Variants in C12orf42 observed in about 807,000 individuals in gnomAD.
C12orf42 encodes uncharacterized protein C12orf42.
C12orf42 carries 25 observed loss-of-function variants against 21.6 expected under a neutral mutation model. The observed-to-expected ratio is 1.16, with a 90% CI of 0.84 to 1.62. The LOEUF is 1.62. Among genes scored for constraint, C12orf42 ranks in the 40% most tolerant of loss-of-function variants. C12orf42 has a pLI of 0.00. For missense variants in C12orf42, 483 were observed against 459.3 expected (o/e 1.05, Z -0.47); for synonymous variants, 174 against 175.0 (o/e 0.99, Z 0.05).
intron 3 of C12orf42, among the ~76,000 whole-genome samples, chr12:103,373,945 T>A (rs940196859): frequency 6.6e-6 from 1 of 152,224 alleles, no homozygotes; most frequent in South Asian, 2.1e-4. Flanking sequence ...TGATATGGTA[T>A]CATCATGCCC....
At chr12:103,362,738 A>G (rs2044227361) in intron 4 of C12orf42, among the ~76,000 whole-genome samples, 1 of 152,116 alleles carries the variant, frequency 6.6e-6, no homozygotes, top group East Asian at 1.9e-4. Context: ...AAAACAGCAG[A>G]AGCAAGAACT....
intron 2 of C12orf42, among the ~76,000 whole-genome samples, chr12:103,412,631 C>T (rs1283386142): frequency 6.6e-6 from 1 of 152,140 alleles, no homozygotes; most frequent in Non-Finnish European, 1.5e-5. Flanking sequence ...TTACTGCAAA[C>T]CTAAATTGCA....
Position 103,485,095 on chromosome 12 carries a change from T to C in C12orf42, c.-21-6648A>G, listed in dbSNP as rs552684890. ...CATGTTAGCCAGGATGGTCTCAATC[T>C]CCTGATCTCGTGATCTGCCCGCCTC... On this transcript the variant is annotated intron_variant, in intron 1 of 5. Transcript: ENST00000548883. Among the ~76,000 whole-genome samples, 78 of 152,200 alleles carry C rather than the reference T, an allele frequency of 5.1e-4. No homozygotes were observed. In the East Asian group the frequency reaches 0.014, roughly 28 times the overall value.
At chr12:103,532,261 C>T in the C12orf42 span, among the ~76,000 whole-genome samples, 1 of 152,148 alleles carries the variant, frequency 6.6e-6, no homozygotes, top group Non-Finnish European at 1.5e-5. Flanking sequence ...GGATACCGTG[C>T]AGCCGTGAAA....
Position 103,310,139 on chromosome 12 carries a change from G to A in C12orf42, c.260-3794C>T, listed in dbSNP as rs142976971. Among the ~76,000 whole-genome samples, 9 of 152,312 alleles carry A rather than the reference G, an allele frequency of 5.9e-5. No individual in the cohort carries two copies. The East Asian group carries it at 1.7e-3, about 29-fold the overall frequency. ...GGGAGGTGATTGGATAATGGGGACA[G>A]ATTTCTTACGAATGGTTTAGCACTA... is the stretch of plus-strand genomic sequence containing the variant. On this transcript the variant is annotated intron_variant, in intron 4 of 5. Coordinates refer to ENST00000548883, the MANE Select transcript of C12orf42 (RefSeq NM_198521.5).
intron 2 of C12orf42, among the ~76,000 whole-genome samples, chr12:103,435,186 G>A (rs1189064455): frequency 6.6e-6 from 1 of 152,002 alleles, no homozygotes; most frequent in Admixed American, 6.6e-5. Context: ...CTGCAGCTGA[G>A]GGTCCTGTCT....
the C12orf42 span, among the ~76,000 whole-genome samples, chr12:103,119,594 G>C: frequency 1.3e-5 from 2 of 152,118 alleles, no homozygotes; most frequent in Non-Finnish European, 2.9e-5. Context: ...TCATTGTGCC[G>C]CGTCTGTCTT....
intron 2 of C12orf42, among the ~76,000 whole-genome samples, chr12:103,414,120 C>T (rs141010271): frequency 5.1e-4 from 77 of 152,270 alleles, no homozygotes; most frequent in African/African-American, 1.6e-3. Context: ...AAAAGTGTTC[C>T]CTTTCACCAC....
intron 4 of C12orf42, among the ~76,000 whole-genome samples, chr12:103,368,517 C>T (rs571243488): frequency 6.6e-6 from 1 of 152,104 alleles, no homozygotes; most frequent in Admixed American, 6.6e-5. Context: ...AGAGACTGTT[C>T]TAGATGAATG....
At chr12:103,332,448 G>A (rs1316729749) in intron 4 of C12orf42, among the ~76,000 whole-genome samples, 2 of 152,192 alleles carry the variant, frequency 1.3e-5, no homozygotes, top group East Asian at 3.8e-4. Context: ...GCACAGAGAT[G>A]CAGCTGACAC....
the C12orf42 span, among the ~76,000 whole-genome samples, chr12:103,203,276 G>A: frequency 2.0e-5 from 3 of 152,264 alleles, no homozygotes; most frequent in East Asian, 1.9e-4. Flanking sequence ...CCCCAATCCC[G>A]TGATTTCATA....
the C12orf42 span, among the ~76,000 whole-genome samples, chr12:103,193,164 A>T: frequency 3.9e-5 from 6 of 152,108 alleles, no homozygotes; most frequent in Admixed American, 6.5e-5. Flanking sequence ...GAATAAATTT[A>T]AAAAATTAGA....
At chr12:103,210,887 A>C in the C12orf42 span, among the ~76,000 whole-genome samples, 1 of 151,876 alleles carries the variant, frequency 6.6e-6, no homozygotes, top group African/African-American at 2.4e-5. Context: ...GGTACTTGCG[A>C]GGATGAAGCA....
chr12:103,485,431 C>G (rs1298610410), intron 1 of C12orf42, among the ~76,000 whole-genome samples: 1 of 152,144 alleles, frequency 6.6e-6, no homozygotes, highest in African/African-American at 2.4e-5. Flanking sequence ...GTTCTTTTGG[C>G]TTAGGATTGT....
At chr12:103,312,771 A>C (rs1269433518) in intron 4 of C12orf42, among the ~76,000 whole-genome samples, 5 of 152,202 alleles carry the variant, frequency 3.3e-5, no homozygotes, top group African/African-American at 1.2e-4. Context: ...TTTTATATGA[A>C]GTAATATTGT....
intron 3 of C12orf42, among the ~76,000 whole-genome samples, chr12:103,381,866 A>G (rs11836983): frequency 0.045 from 6,817 of 152,108 alleles, 425 homozygotes; most frequent in East Asian, 0.18. Context: ...GCAGTGAGCC[A>G]AGATCACGCC....
chr12:103,225,647 A>C, the C12orf42 span, among the ~76,000 whole-genome samples: 1 of 152,034 alleles, frequency 6.6e-6, no homozygotes, highest in Non-Finnish European at 1.5e-5. Context: ...AAAGTGTCTC[A>C]GCCTAATAAG....
the C12orf42 span, among the ~76,000 whole-genome samples, chr12:103,119,037 G>A: frequency 1.3e-5 from 2 of 152,020 alleles, no homozygotes. Context: ...AAAATGTTTT[G>A]TCTTAGACAA....
At chr12:103,162,089 A>C in the C12orf42 span, among the ~76,000 whole-genome samples, 1 of 152,080 alleles carries the variant, frequency 6.6e-6, no homozygotes, top group African/African-American at 2.4e-5. Flanking sequence ...GCTCTTCCCC[A>C]ACATTGGCTC....
Sources: allele counts gnomAD v4.1 joint callset (sites outside exome capture counted in the v4.1 genomes callset), GRCh38; gene constraint gnomAD v4.1.1; transcripts MANE v1.5; gene names NCBI Gene and HGNC (gene_info 2026-07-23, HGNC 2026-07-21).